Variants in CLYBL observed in about 807,000 individuals in gnomAD.
CLYBL encodes the protein citramalyl-CoA lyase.
Under a neutral mutation model 38.9 loss-of-function variants are expected in CLYBL, and 31 were observed. The observed-to-expected ratio is 0.80, with a 90% CI of 0.60 to 1.08. The LOEUF is 1.08. Among genes scored for constraint, CLYBL ranks in the 50% least tolerant of loss-of-function variants. The pLI is 0.00. For missense variants in CLYBL, 434 were observed against 411.6 expected (o/e 1.05, Z -0.47); for synonymous variants, 171 against 158.6 (o/e 1.08, Z -0.59).
chr13:99,766,019 T>G (rs1269041567), intron 1 of CLYBL, among the ~76,000 whole-genome samples: 1 of 151,964 alleles, frequency 6.6e-6, no homozygotes, highest in Non-Finnish European at 1.5e-5. Context: ...GCCCTGCTAG[T>G]GTTTTTATTT....
In CLYBL at chr13:99,870,995, C is replaced by T. The variant is rs976491715; in HGVS notation, c.860C>T (p.Ser287Phe). Residue 287 changes from serine (S) to phenylalanine (F), a missense_variant, in exon 7 of 9, where the codon TCC (serine) becomes TTC (phenylalanine). By Grantham distance (155) the Ser-to-Phe change is radical. Transcript: ENST00000339105. ...IAVVQEQFSP[S>F]PEKIKWAEEL... ...GTGGTCCAGGAGCAGTTTTCTCCTT[C>T]CCCTGAAAAAATTAAGTGGGCTGAA... 2.5e-6 allele frequency: 4 copies of T among 1,613,744 alleles called. No homozygotes were observed. Among genetic ancestry groups the T allele is most frequent in the Admixed American group, 1.7e-5 (1 of 59,992 alleles).
intron 1 of CLYBL, among the ~76,000 whole-genome samples, chr13:99,738,820 G>T (rs556198780): frequency 5.8e-4 from 88 of 152,248 alleles, no homozygotes; most frequent in African/African-American, 2.0e-3. Context: ...GCAGTTGCCT[G>T]GGAGGAGGGA....
intron 1 of CLYBL, among the ~76,000 whole-genome samples, chr13:99,766,644 T>A (rs950412359): frequency 2.0e-5 from 3 of 152,294 alleles, no homozygotes; most frequent in Middle Eastern, 3.4e-3. Context: ...TCTGGCTGGC[T>A]TGTTTTTGTA....
At chr13:99,727,051 C>T (rs1001208323) in intron 1 of CLYBL, among the ~76,000 whole-genome samples, 32 of 151,638 alleles carry the variant, frequency 2.1e-4, no homozygotes, top group African/African-American at 7.5e-4. Flanking sequence ...CCCAACTACT[C>T]GGGAGGCTGA....
rs1003714419 is a variant in CLYBL at position 99,618,566 on chromosome 13, G to A, written c.62+11809G>A. Reference sequence around the variant, plus strand: ...ATTACAGGCGTGAGCCACCATGGCCGGCCCATTTTAACCATCTTTAAGTGT... The same window carrying A: ...ATTACAGGCGTGAGCCACCATGGCCAGCCCATTTTAACCATCTTTAAGTGT... On this transcript the variant is annotated intron_variant, in intron 1 of 8. Transcript: ENST00000339105. Among the ~76,000 whole-genome samples the A allele has an allele frequency of 2.6e-5, 4 of 152,224 alleles. 1 individual carries two copies. Among genetic ancestry groups the A allele is most frequent in the East Asian group, 1.9e-4 (1 of 5,174 alleles).
intron 7 of CLYBL, among the ~76,000 whole-genome samples, chr13:99,888,256 T>C (rs189077765): frequency 8.1e-6 from 1 of 123,918 alleles, no homozygotes; most frequent in African/African-American, 3.2e-5. Context: ...ATGTCTAAGA[T>C]GGTGAATTTT....
chr13:99,909,294 T>C (rs9557334), exon 10 of CLYBL, among the ~76,000 whole-genome samples: 4,103 of 152,378 alleles, frequency 0.027, 135 homozygotes, highest in South Asian at 0.15. Flanking sequence ...TGGGCTTCAG[T>C]TGTCTCATTC....
intron 1 of CLYBL, among the ~76,000 whole-genome samples, chr13:99,720,434 A>T (rs1161169702): frequency 6.6e-6 from 1 of 152,000 alleles, no homozygotes; most frequent in East Asian, 1.9e-4. Flanking sequence ...TTGCTGGCTC[A>T]TTTAGATTTA....
chr13:99,779,076 A>G (rs931537287), intron 2 of CLYBL, among the ~76,000 whole-genome samples: 11 of 152,292 alleles, frequency 7.2e-5, no homozygotes, highest in Non-Finnish European at 1.6e-4. Flanking sequence ...GTAAATAGCT[A>G]TGATCCAACA....
At chr13:99,897,940 C>CAAA (rs10635703), downstream of CLYBL, among the ~76,000 whole-genome samples, 7 of 149,794 alleles carry the variant, frequency 4.7e-5, no homozygotes, top group South Asian at 6.3e-4. Flanking sequence ...AATGCCGTCT[C>CAAA]AAAAAAAAGA....
At chr13:99,651,564 C>T (rs895718057) in intron 1 of CLYBL, among the ~76,000 whole-genome samples, 11 of 151,808 alleles carry the variant, frequency 7.2e-5, no homozygotes, top group East Asian at 1.9e-4. Context: ...AGCGAGACCC[C>T]GTCTCAAAAA....
In CLYBL at chr13:99,830,402, G is replaced by A. The variant is rs115463899; in HGVS notation, c.250-28459G>A. Among the ~76,000 whole-genome samples, 883 of 152,312 alleles carry A rather than the reference G, an allele frequency of 5.8e-3. 11 individuals carry two copies. The highest frequency in any genetic ancestry group is 0.019 in the African/African-American group (787 of 41,566). On this transcript the variant is annotated intron_variant, in intron 2 of 8. Transcript: ENST00000339105. ...GCACATAAAGATGAGGAGGCTGAGC[G>A]TGGTTCCAGGCACCACTGCGGTATA...
intron 2 of CLYBL, among the ~76,000 whole-genome samples, chr13:99,837,991 A>C (rs1193194811): frequency 1.3e-5 from 2 of 152,218 alleles, no homozygotes; most frequent in Non-Finnish European, 2.9e-5. Flanking sequence ...CTCTCTGTCA[A>C]GTGGTTTTAA....
intron 2 of CLYBL, among the ~76,000 whole-genome samples, chr13:99,843,391 T>A (rs1035468688): frequency 1.3e-5 from 2 of 152,184 alleles, no homozygotes; most frequent in African/African-American, 4.8e-5. Flanking sequence ...ATCCCATTAG[T>A]TAATTCTGCT....
In CLYBL at chr13:99,764,021, T is replaced by C. The variant is rs184433896; in HGVS notation, c.63-8803T>C. On this transcript the variant is annotated intron_variant, in intron 1 of 8. Coordinates refer to ENST00000339105, the MANE Select transcript of CLYBL (RefSeq NM_206808.5). ...CCTCATAGAATTAGCTTGGGAGTAT[T>C]GGAGTATTCATTCCTCTTCAAAAAA... Among the ~76,000 whole-genome samples, 112 of 152,134 alleles carry C rather than the reference T, an allele frequency of 7.4e-4. 2 individuals are homozygous for C. The highest frequency in any genetic ancestry group is 2.6e-3 in the African/African-American group (108 of 41,510).
At chr13:99,769,852 G>A (rs2049344985) in intron 1 of CLYBL, among the ~76,000 whole-genome samples, 1 of 151,280 alleles carries the variant, frequency 6.6e-6, no homozygotes, top group Admixed American at 6.6e-5. Context: ...AAACTTGCAA[G>A]GCCCCAAAAG....
At chr13:99,785,954 C>T (rs1473670254) in intron 2 of CLYBL, among the ~76,000 whole-genome samples, 4 of 151,826 alleles carry the variant, frequency 2.6e-5, no homozygotes, top group Non-Finnish European at 5.9e-5. Flanking sequence ...TGACTCCTCA[C>T]TATGGAGAAT....
At position 99,869,506 on chromosome 13, in the gene CLYBL, C is replaced by T. The variant is rs1225209962; in HGVS notation, c.803-1432C>T. Among the ~76,000 whole-genome samples, 6 of 152,058 alleles carry T rather than the reference C, an allele frequency of 3.9e-5. No individual in the cohort carries two copies. Among genetic ancestry groups the T allele is most frequent in the South Asian group, 2.1e-4 (1 of 4,820 alleles). ...TTATTCGTTCCCAGAAATTATTCCT[C>T]AGGTAATTTAAGGAATCTTTACTTA... On this transcript the variant is annotated intron_variant, in intron 6 of 8. Transcript: ENST00000339105. This position sits in a 1 kb window ranked among gnomAD's most constrained non-coding sequence, Gnocchi z 4.3.
At chr13:99,755,246 C>T (rs2049041881) in intron 1 of CLYBL, among the ~76,000 whole-genome samples, 1 of 152,176 alleles carries the variant, frequency 6.6e-6, no homozygotes, top group Non-Finnish European at 1.5e-5. Context: ...TTCTGTCCTC[C>T]TCTTTTCTGG....
Sources: gnomAD v4.1 joint callset for allele counts (sites outside exome capture counted in the v4.1 genomes callset) on GRCh38, gnomAD v4.1.1 for gene constraint, Gnocchi (gnomAD v3.1) non-coding constraint, MANE v1.5 for transcripts, NCBI Gene and HGNC (gene_info 2026-07-23, HGNC 2026-07-21) for gene names.